The following CSMD1 variants were observed in gnomAD, a reference collection of about 807,000 sequenced individuals.
The protein encoded by CSMD1 is CUB and sushi domain-containing protein 1.
Under a neutral mutation model 417.5 loss-of-function variants are expected in CSMD1, and 213 were observed. The observed-to-expected ratio is 0.51, with a 90% confidence interval of 0.46 to 0.57. The LOEUF (loss-of-function observed/expected upper bound fraction) is 0.57. Among genes scored for constraint, CSMD1 ranks in the 20% least tolerant of loss-of-function variants. The pLI is 0.00. For missense variants in CSMD1, 6,923 were observed against 4,529.7 expected (o/e 1.53, Z -15.17); for synonymous variants, 2,862 against 1,736.8 (o/e 1.65, Z -16.11).
chr8:4,355,304 C>A lies in CSMD1; in HGVS notation c.415+64649G>T, dbSNP rs1282168563. Among the ~76,000 whole-genome samples the A allele has an allele frequency of 3.0e-5, 4 of 133,602 alleles. No individual in the cohort carries two copies. In the East Asian group the frequency reaches 7.9e-4, roughly 26 times the overall value. 87.6% of individuals were successfully genotyped at this position (133,602 alleles called of 152,430 possible). ...TTGTGGACACAGGAACAAACCACTTCATACACACACACACACACACGCACA... is the reference window on the plus strand; with the variant it reads ...TTGTGGACACAGGAACAAACCACTTAATACACACACACACACACACGCACA... On this transcript the variant is annotated intron_variant, in intron 3 of 69. Transcript: ENST00000635120.
intron 10 of CSMD1, among the ~76,000 whole-genome samples, chr8:3,529,783 C>G (rs1390882884): frequency 2.6e-5 from 4 of 152,240 alleles, no homozygotes; most frequent in Admixed American, 6.5e-5. Context: ...ACTTCGTTTC[C>G]TCTTCTGAGC....
intron 25 of CSMD1, among the ~76,000 whole-genome samples, chr8:3,304,291 G>C (rs1804643459): frequency 6.6e-6 from 1 of 152,078 alleles, no homozygotes; most frequent in African/African-American, 2.4e-5. Flanking sequence ...TACAGACTAT[G>C]TTACCATTGA....
At chr8:4,469,384 G>A (rs975004820) in intron 2 of CSMD1, among the ~76,000 whole-genome samples, 1 of 152,130 alleles carries the variant, frequency 6.6e-6, no homozygotes, top group Admixed American at 6.6e-5. Context: ...GGTGCAAAAC[G>A]GCTGGTGTCA....
At chr8:4,286,808 A>G (rs536972202) in intron 3 of CSMD1, among the ~76,000 whole-genome samples, 53 of 152,328 alleles carry the variant, frequency 3.5e-4, no homozygotes, top group African/African-American at 1.2e-3. Flanking sequence ...CTAGAAAACC[A>G]AAAGTTGATC....
At chr8:3,674,841 G>A (rs541647478) in intron 7 of CSMD1, among the ~76,000 whole-genome samples, 1 of 152,162 alleles carries the variant, frequency 6.6e-6, no homozygotes, top group African/African-American at 2.4e-5. Context: ...AGGGCACTTT[G>A]CAGTAAAGAC....
At chr8:3,941,426 C>A (rs548925510) in intron 5 of CSMD1, among the ~76,000 whole-genome samples, 1 of 152,206 alleles carries the variant, frequency 6.6e-6, no homozygotes, top group South Asian at 2.1e-4. Context: ...TTCTGTCCAT[C>A]AGTCTATAAA....
At chr8:4,462,982 T>G (rs1468508367) in intron 2 of CSMD1, among the ~76,000 whole-genome samples, 1 of 152,168 alleles carries the variant, frequency 6.6e-6, no homozygotes, top group Non-Finnish European at 1.5e-5. Context: ...AAACTTTGTA[T>G]TTCAAAAAAC....
chr8:3,750,643 C>A (rs1459366053), intron 6 of CSMD1, among the ~76,000 whole-genome samples: 5 of 152,120 alleles, frequency 3.3e-5, no homozygotes, highest in Non-Finnish European at 2.9e-5. Context: ...GAAGATTCAG[C>A]TGAACAAATG....
chr8:4,623,405 A>G (rs1260695091), intron 2 of CSMD1, among the ~76,000 whole-genome samples: 1 of 152,200 alleles, frequency 6.6e-6, no homozygotes, highest in Non-Finnish European at 1.5e-5. Flanking sequence ...TGGGACTACC[A>G]GATTAGAAAA....
intron 1 of CSMD1, among the ~76,000 whole-genome samples, chr8:4,670,699 C>A (rs192000631): frequency 3.3e-5 from 5 of 152,116 alleles, no homozygotes; most frequent in African/African-American, 1.2e-4. Flanking sequence ...ATAGGATTCA[C>A]GTCTCTTAAG....
intron 1 of CSMD1, among the ~76,000 whole-genome samples, chr8:4,723,071 A>G (rs1197556509): frequency 6.6e-6 from 1 of 152,168 alleles, no homozygotes; most frequent in Non-Finnish European, 1.5e-5. Context: ...TCAAAAGTGA[A>G]TAGAGGTCAG....
chr8:3,852,980 C>T (rs1804019684), intron 5 of CSMD1, among the ~76,000 whole-genome samples: 1 of 152,036 alleles, frequency 6.6e-6, no homozygotes, highest in Non-Finnish European at 1.5e-5. Flanking sequence ...CAAGGCTCCC[C>T]AAGAGTGTTC....
chr8:4,087,026 T>C (rs1477981383), intron 3 of CSMD1, among the ~76,000 whole-genome samples: 1 of 152,200 alleles, frequency 6.6e-6, no homozygotes, highest in African/African-American at 2.4e-5. Flanking sequence ...CATCATGGAA[T>C]TAAGTTCCTC....
At chr8:4,419,075 A>C (rs146869391) in intron 3 of CSMD1, among the ~76,000 whole-genome samples, 1 of 152,204 alleles carries the variant, frequency 6.6e-6, no homozygotes, top group Non-Finnish European at 1.5e-5. Context: ...GCCTAAATGC[A>C]GAGTATTCCC....
chr8:4,051,651 G>A (rs924191171), intron 3 of CSMD1, among the ~76,000 whole-genome samples: 15 of 152,168 alleles, frequency 9.9e-5, no homozygotes, highest in African/African-American at 3.4e-4. Context: ...ATGATAAAAT[G>A]GTGAGCAGGA....
chr8:4,525,729 C>G (rs1563256373), intron 2 of CSMD1, among the ~76,000 whole-genome samples: 2 of 152,130 alleles, frequency 1.3e-5, no homozygotes, highest in Admixed American at 6.5e-5. Flanking sequence ...GGTGTCACCT[C>G]GTCATCACAT....
intron 6 of CSMD1, among the ~76,000 whole-genome samples, chr8:3,726,905 G>C (rs535834292): frequency 1.3e-5 from 2 of 152,158 alleles, no homozygotes; most frequent in Admixed American, 6.5e-5. Context: ...GGAAATATCT[G>C]TTTAGCATCA....
intron 12 of CSMD1, among the ~76,000 whole-genome samples, chr8:3,425,989 A>T (rs572229999): frequency 6.6e-6 from 1 of 152,322 alleles, no homozygotes; most frequent in South Asian, 2.1e-4. Flanking sequence ...TGTGAACAAA[A>T]AAGCTGGGTC....
At chr8:4,007,692 T>C (rs1244873408) in intron 4 of CSMD1, among the ~76,000 whole-genome samples, 17 of 152,036 alleles carry the variant, frequency 1.1e-4, no homozygotes, top group Admixed American at 1.1e-3. Flanking sequence ...TTTTTTTTCA[T>C]GCAATGAATG....
Sources: gnomAD v4.1 joint callset for allele counts (sites outside exome capture counted in the v4.1 genomes callset) on GRCh38, gnomAD v4.1.1 for gene constraint, MANE v1.5 for transcripts, NCBI Gene and HGNC (gene_info 2026-07-23, HGNC 2026-07-21) for gene names.